The following LMBR1 variants were observed in gnomAD, a reference collection of about 807,000 sequenced individuals.
The protein encoded by LMBR1 is limb development membrane protein 1.
A neutral mutation model predicts 73.9 loss-of-function variants in LMBR1; 52 were observed. The ratio of observed to expected loss-of-function variants is 0.70; its 90% CI spans 0.56 to 0.89. The LOEUF (loss-of-function observed/expected upper bound fraction) is 0.89. LMBR1 is among the 40% of genes least tolerant of loss of function. The probability of loss-of-function intolerance (pLI) is 0.00; values close to 1 mark genes in which losing one functional copy is unlikely to be tolerated. For synonymous variants in LMBR1, 215 were observed against 209.4 expected, an observed-to-expected ratio of 1.03 and a Z score of -0.23; for missense variants, 539 against 579.8, an observed-to-expected ratio of 0.93 and a Z score of 0.72.
chr7:156,719,964 T>A (rs1814162116), intron 15 of LMBR1, among the ~76,000 whole-genome samples: 1 of 151,654 alleles, frequency 6.6e-6, no homozygotes, highest in Non-Finnish European at 1.5e-5. Context: ...TCAAGATGGA[T>A]TAAAGACTTA....
At chr7:156,781,043 G>T (rs569850846) in intron 5 of LMBR1, among the ~76,000 whole-genome samples, 3 of 152,174 alleles carry the variant, frequency 2.0e-5, no homozygotes, top group Non-Finnish European at 2.9e-5. Context: ...GCTCAGTCTT[G>T]TAAGAAACCT....
chr7:156,888,336 G>C (rs577939431), intron 1 of LMBR1, among the ~76,000 whole-genome samples: 328 of 151,888 alleles, frequency 2.2e-3, no homozygotes, highest in African/African-American at 7.1e-3. Context: ...CATGAACCGG[G>C]GGGGCGGAGC....
chr7:156,718,399 CA>C (rs558028024), intron 15 of LMBR1, among the ~76,000 whole-genome samples: 34 of 118,658 alleles, frequency 2.9e-4, no homozygotes, highest in Admixed American at 4.6e-4. Flanking sequence ...GAATCCATCT[CA>C]AAAAAAAAAA....
chr7:156,705,837 C>T (rs1219420038), intron 15 of LMBR1, among the ~76,000 whole-genome samples: 1 of 151,956 alleles, frequency 6.6e-6, no homozygotes. Context: ...AGAATTCCAC[C>T]AAACCACAAA....
chr7:156,802,853 T>C (rs1831258604), intron 4 of LMBR1, among the ~76,000 whole-genome samples: 1 of 152,114 alleles, frequency 6.6e-6, no homozygotes, highest in Non-Finnish European at 1.5e-5. Context: ...GCCGCATGTC[T>C]ACAACTATCT....
Position 156,892,916 on chromosome 7 carries a change from G to A in LMBR1, c.66+12C>T. The A allele has an allele frequency of 6.6e-7, 1 of 1,505,898 alleles. No homozygotes were observed. Among genetic ancestry groups the A allele is most frequent in the Non-Finnish European group, 8.8e-7 (1 of 1,133,672 alleles). The allele number at this position is 1,505,898 out of a possible 1,614,324, so 93.3% of individuals were successfully genotyped here. ...ACGCGGGACTGTCAGGGCTGCCTCG[G>A]TCCCCACGCACCGTGGACTCCCGCA... On this transcript the variant is annotated intron_variant, in intron 1 of 16. Coordinates refer to ENST00000353442, the MANE Select transcript of LMBR1 (RefSeq NM_022458.4).
chr7:156,805,671 T>C (rs186738071), intron 4 of LMBR1, among the ~76,000 whole-genome samples: 9 of 152,388 alleles, frequency 5.9e-5, no homozygotes, highest in Non-Finnish European at 1.0e-4. Flanking sequence ...CTACAAAGTA[T>C]GCTGGAATCT....
At chr7:156,805,653 G>A (rs954379595) in intron 4 of LMBR1, among the ~76,000 whole-genome samples, 1 of 152,198 alleles carries the variant, frequency 6.6e-6, no homozygotes, top group African/African-American at 2.4e-5. Context: ...AGATCAGCTT[G>A]TCAATTTCTA....
intron 5 of LMBR1, among the ~76,000 whole-genome samples, chr7:156,765,196 C>T (rs1002830315): frequency 6.6e-6 from 1 of 152,176 alleles, no homozygotes; most frequent in African/African-American, 2.4e-5. Context: ...GCCTGTGTCC[C>T]CACCCAAATC....
At chr7:156,816,253 T>A (rs772991975) in intron 4 of LMBR1, among the ~76,000 whole-genome samples, 2 of 152,174 alleles carry the variant, frequency 1.3e-5, no homozygotes, top group Non-Finnish European at 2.9e-5. Context: ...CTGCCCAGGC[T>A]GGAGTGCAGT....
intron 4 of LMBR1, among the ~76,000 whole-genome samples, chr7:156,810,402 T>A (rs1289396029): frequency 6.6e-6 from 1 of 152,090 alleles, no homozygotes; most frequent in African/African-American, 2.4e-5. Context: ...AATTTCTCTC[T>A]CTTTTTTTGA....
intron 1 of LMBR1, among the ~76,000 whole-genome samples, chr7:156,842,072 G>C (rs1457415143): frequency 6.6e-6 from 1 of 150,864 alleles, no homozygotes; most frequent in Non-Finnish European, 1.5e-5. Context: ...GTTACGTGTG[G>C]TGAAAGCAGA....
Position 156,680,952 on chromosome 7 carries a change from GAC to G in LMBR1, c.*3124_*3125del, listed in dbSNP as rs1184438621. 2 of 280,964 alleles carry G rather than the reference GAC, an allele frequency of 7.1e-6. No individual in the cohort carries two copies. Among genetic ancestry groups the G allele is most frequent in the Non-Finnish European group, 1.4e-5 (2 of 147,456 alleles). 17.4% of individuals were successfully genotyped at this position (280,964 alleles called of 1,614,324 possible). On this transcript the variant is annotated 3_prime_UTR_variant, in exon 17 of 17. Transcript: ENST00000353442. ...ACTAAAAGTATCTCATAGAAACAAA[GAC>G]TAACAATTTGTAAACAAAACAATCT...
In LMBR1 at chr7:156,773,178, CT is replaced by C. The variant is rs1286402325; in HGVS notation, c.424-9384del. Among the ~76,000 whole-genome samples the C allele has an allele frequency of 4.3e-4, 66 of 152,256 alleles. 1 individual carries two copies. The highest frequency in any genetic ancestry group is 1.6e-3 in the African/African-American group (65 of 41,560). ...AGGTCTCTACAAGAATTAAAAAACA[CT>C]GCTCAAGGAAATCAGAGATGACACA... On this transcript the variant is annotated intron_variant, in intron 5 of 16. Transcript: ENST00000353442.
intron 1 of LMBR1, 23 bp downstream of exon 1, chr7:156,892,905 G>A (rs761466192): frequency 6.8e-7 from 1 of 1,480,196 alleles, no homozygotes; most frequent in Non-Finnish European, 8.9e-7. Context: ...GGGACTGTCA[G>A]GGCTGCCTCG....
intron 14 of LMBR1, among the ~76,000 whole-genome samples, 175 bp downstream of exon 14, chr7:156,725,260 A>C (rs570202321): frequency 5.9e-5 from 9 of 152,312 alleles, no homozygotes; most frequent in Admixed American, 1.3e-4. Flanking sequence ...CAAATTAAAC[A>C]GGGTACATCC....
intron 15 of LMBR1, among the ~76,000 whole-genome samples, chr7:156,697,917 G>A (rs956550285): frequency 2.0e-5 from 3 of 152,016 alleles, no homozygotes; most frequent in African/African-American, 7.3e-5. Context: ...TTTGGGAACT[G>A]ACAAATGTCC....
Position 156,836,867 on chromosome 7 carries a change from CA to C in LMBR1, c.84del (p.Phe28LeufsTer36). Reference sequence around the variant, plus strand: ...AAGTAGGAAACAACGTAGAGAATGGCAAAAAGAAGGAAACATATCTGAAACA... The same window carrying C: ...AAGTAGGAAACAACGTAGAGAATGGCAAAAGAAGGAAACATATCTGAAACA... ...VRESTICFLLFAILYVVSYFI... is the reference protein window; with the variant it reads ...VRESTICFLLXAILYVVSYFI... On this transcript the variant is annotated frameshift_variant, in exon 2 of 17. Coordinates refer to ENST00000353442, the MANE Select transcript of LMBR1 (RefSeq NM_022458.4). LOFTEE classifies it high-confidence loss of function. 6.4e-7 allele frequency: 1 copy of C among 1,574,316 alleles called. No homozygotes were observed. Among genetic ancestry groups the C allele is most frequent in the Non-Finnish European group, 8.6e-7 (1 of 1,156,714 alleles).
intron 4 of LMBR1, among the ~76,000 whole-genome samples, chr7:156,818,788 A>C (rs142819370): frequency 2.0e-4 from 30 of 152,354 alleles, no homozygotes; most frequent in African/African-American, 6.3e-4. Context: ...ATTTTTTAAC[A>C]GTACACAAGA....
Sources: allele counts gnomAD v4.1 joint callset (sites outside exome capture counted in the v4.1 genomes callset), GRCh38; gene constraint gnomAD v4.1.1; transcripts MANE v1.5; gene names NCBI Gene and HGNC (gene_info 2026-07-23, HGNC 2026-07-21).